The following ALKBH8 variants were observed in gnomAD, a reference collection of about 807,000 sequenced individuals.
ALKBH8 encodes the protein alkB homolog 8, tRNA methyltransferase.
ALKBH8 carries 36 observed loss-of-function variants against 59.8 expected under a neutral mutation model. That is an observed-to-expected ratio of 0.60 (90% CI 0.46 to 0.79). The LOEUF is 0.79. Ranked by LOEUF, ALKBH8 falls within the 30% of genes least tolerant of loss-of-function variation. The probability of loss-of-function intolerance (pLI) is 0.00; values close to 1 mark genes in which losing one functional copy is unlikely to be tolerated. For missense variants in ALKBH8, 768 were observed against 801.0 expected (o/e 0.96, Z 0.50); for synonymous variants, 276 against 273.6 (o/e 1.01, Z -0.09).
chr11:107,551,836 C>A lies in ALKBH8; in HGVS notation c.672G>T (p.Met224Ile). The change falls in exon 6 of 12, where the codon ATG becomes ATT. Residue 224 changes from methionine to isoleucine, a missense_variant. Met to Ile is a conservative substitution (Grantham distance 10). Transcript: ENST00000428149. ...GCCCAGGTTCATACTGATTTATGGT[C>A]ATTTGATCAGGTTTATGTTTAATGT... is the stretch of plus-strand genomic sequence containing the variant. ...KGYIKHKPDQMTINQYEPGQG... is the reference protein window; with the variant it reads ...KGYIKHKPDQITINQYEPGQG... 2 of 1,544,878 alleles carry A rather than the reference C, an allele frequency of 1.3e-6. No homozygotes were observed. The highest frequency in any genetic ancestry group is 1.3e-5 in the South Asian group (1 of 78,130).
intron 8 of ALKBH8, among the ~76,000 whole-genome samples, chr11:107,530,956 T>G (rs1204827230): frequency 6.6e-6 from 1 of 152,226 alleles, no homozygotes; most frequent in Non-Finnish European, 1.5e-5. Flanking sequence ...GCTGTAGTAA[T>G]ACTATTACTT....
In ALKBH8 at chr11:107,538,683, C is replaced by T. The variant is rs77697945; in HGVS notation, c.772-6277G>A. On this transcript the variant is annotated intron_variant, in intron 7 of 11. Coordinates refer to ENST00000428149, the MANE Select transcript of ALKBH8 (RefSeq NM_138775.3). ...CCAGACACAGTTATCAATCTATCAA[C>T]GAAGAAAAGTTAACATTCATAACAG... Among the ~76,000 whole-genome samples the T allele has an allele frequency of 3.1e-3, 472 of 152,134 alleles. 4 individuals carry two copies. The highest frequency in any genetic ancestry group is 0.011 in the African/African-American group (451 of 41,498).
At chr11:107,542,306 T>A (rs1217818008) in intron 7 of ALKBH8, among the ~76,000 whole-genome samples, 1 of 151,476 alleles carries the variant, frequency 6.6e-6, no homozygotes, top group African/African-American at 2.4e-5. Context: ...AAGCAAAAAA[T>A]CTTAAAAGAA....
At chr11:107,524,070 C>T (rs930259987) in intron 9 of ALKBH8, among the ~76,000 whole-genome samples, 1 of 151,544 alleles carries the variant, frequency 6.6e-6, no homozygotes. Flanking sequence ...GCTGTTTTTT[C>T]GTTTTGAGAC....
intron 7 of ALKBH8, among the ~76,000 whole-genome samples, chr11:107,544,192 G>A (rs1454772818): frequency 6.6e-6 from 1 of 152,198 alleles, no homozygotes; most frequent in African/African-American, 2.4e-5. Flanking sequence ...AATGCACATA[G>A]TTCTAACTGA....
intron 10 of ALKBH8, among the ~76,000 whole-genome samples, chr11:107,519,506 G>T (rs535031002): frequency 7.2e-5 from 11 of 152,246 alleles, no homozygotes; most frequent in Admixed American, 1.3e-4. Flanking sequence ...AAAGTGCAGA[G>T]AAATAAACAG....
chr11:107,557,849 C>T (rs1431609872), intron 2 of ALKBH8, among the ~76,000 whole-genome samples: 1 of 152,182 alleles, frequency 6.6e-6, no homozygotes, highest in African/African-American at 2.4e-5. Context: ...AGTCTCTATA[C>T]TTAACCATTC....
At chr11:107,520,220 G>T (rs1232578548) in intron 10 of ALKBH8, among the ~76,000 whole-genome samples, 2 of 152,182 alleles carry the variant, frequency 1.3e-5, no homozygotes, top group Non-Finnish European at 2.9e-5. Flanking sequence ...CTTCTACCAT[G>T]TGCCAAGTAC....
Position 107,553,195 on chromosome 11 carries a change from A to G in ALKBH8, c.508T>C (p.Ser170Pro). The G allele has an allele frequency of 6.2e-7, 1 of 1,602,744 alleles. No homozygotes were observed. Among genetic ancestry groups the G allele is most frequent in the South Asian group, 1.1e-5 (1 of 89,538 alleles). Residue 170 changes from serine (S) to proline (P), a missense_variant, in exon 5 of 12, where the codon TCC (serine) becomes CCC (proline). Coordinates refer to ENST00000428149, the MANE Select transcript of ALKBH8 (RefSeq NM_138775.3). The part of the protein sequence containing the change: ...EDTDNQNSQK[S>P]LKHRRVKHFG... The stretch of plus-strand genomic sequence containing the variant: ...TGCTTTACTCTTCTGTGTTTTAAGG[A>G]TTTTTGAGCTGTGTGAAGAGAACAA...
intron 8 of ALKBH8, 108 bp from the exon 9 acceptor site, chr11:107,525,700 A>G: frequency 1.3e-6 from 1 of 746,134 alleles, no homozygotes. Flanking sequence ...TTTATTACAA[A>G]TATCTATTGG....
At chr11:107,545,137 T>C (rs1305002859) in intron 7 of ALKBH8, among the ~76,000 whole-genome samples, 2 of 152,144 alleles carry the variant, frequency 1.3e-5, no homozygotes, top group Non-Finnish European at 2.9e-5. Context: ...ATTGCTTATA[T>C]AGGCAAATAT....
At chr11:107,559,507 T>C (rs1445218926) in intron 2 of ALKBH8, among the ~76,000 whole-genome samples, 2 of 151,004 alleles carry the variant, frequency 1.3e-5, no homozygotes, top group Non-Finnish European at 3.0e-5. Flanking sequence ...TGGAGCCTAT[T>C]TTTTTTTTCT....
chr11:107,518,192 C>T (rs1422088705), intron 10 of ALKBH8, among the ~76,000 whole-genome samples: 1 of 151,870 alleles, frequency 6.6e-6, no homozygotes, highest in Non-Finnish European at 1.5e-5. Context: ...TTATATAAAA[C>T]ATTAATAGGA....
At chr11:107,532,462 A>T (rs1863637018) in intron 7 of ALKBH8, 56 bp from the exon 8 acceptor site, 2 of 1,341,972 alleles carry the variant, frequency 1.5e-6, no homozygotes, top group Admixed American at 3.5e-5. Flanking sequence ...TACTCCAAGG[A>T]TAAGAATGAT....
chr11:107,505,304 A>G (rs1030852356), intron 11 of ALKBH8, 89 bp from the exon 12 acceptor site: 14 of 966,900 alleles, frequency 1.4e-5, no homozygotes, highest in Non-Finnish European at 1.9e-5. Flanking sequence ...TTCAATTAGG[A>G]TGAACAATAA....
Position 107,504,940 on chromosome 11 carries a change from C to A in ALKBH8, c.1713G>T (p.Arg571Ser). 1 of 1,551,858 alleles carries A rather than the reference C, an allele frequency of 6.4e-7. No homozygotes were observed. The stretch of plus-strand genomic sequence containing the variant: ...CAGGCAGCTTGGAATTAGAAACTTG[C>A]CTTGAATTACATCCTCCTTCCTGAG... ...NDSQEGGCNSRQVSNSKLPVH... is the reference protein window; with the variant it reads ...NDSQEGGCNSSQVSNSKLPVH... Residue 571 changes from arginine (R) to serine (S), a missense_variant, in exon 12 of 12, where the codon AGG becomes AGT. Transcript: ENST00000428149.
At chr11:107,534,461 C>A (rs915992676) in intron 7 of ALKBH8, among the ~76,000 whole-genome samples, 2 of 152,138 alleles carry the variant, frequency 1.3e-5, no homozygotes, top group Non-Finnish European at 2.9e-5. Flanking sequence ...AGCTCTATAT[C>A]CACCTAGAAG....
chr11:107,535,614 T>A (rs1250034550), intron 7 of ALKBH8, among the ~76,000 whole-genome samples: 1 of 152,194 alleles, frequency 6.6e-6, no homozygotes, highest in Non-Finnish European at 1.5e-5. Context: ...GTTTGTTTTT[T>A]TCTCACTGAT....
chr11:107,515,902 C>G (rs1227696247), intron 10 of ALKBH8, among the ~76,000 whole-genome samples: 2 of 152,132 alleles, frequency 1.3e-5, no homozygotes, highest in Non-Finnish European at 2.9e-5. Flanking sequence ...AGCAATTAGG[C>G]AAACCATTTT....
Sources: allele counts gnomAD v4.1 joint callset (sites outside exome capture counted in the v4.1 genomes callset), GRCh38; gene constraint gnomAD v4.1.1; transcripts MANE v1.5; gene names NCBI Gene and HGNC (gene_info 2026-07-23, HGNC 2026-07-21).